Variants in NHSL1 observed in about 807,000 individuals in gnomAD.
NHSL1 encodes the protein NHS like 1.
A neutral mutation model predicts 95.0 loss-of-function variants in NHSL1; 48 were observed. That is an observed-to-expected ratio of 0.51 (90% CI 0.40 to 0.64). The LOEUF (loss-of-function observed/expected upper bound fraction) is 0.64, where lower values mean the gene tolerates loss of function less well. Ranked by LOEUF, NHSL1 falls within the 30% of genes least tolerant of loss-of-function variation. The pLI is 0.00. For synonymous variants in NHSL1, 783 were observed against 833.9 expected, an observed-to-expected ratio of 0.94 and a Z score of 1.05; for missense variants, 1,971 against 2,077.7, an observed-to-expected ratio of 0.95 and a Z score of 1.00.
intron 1 of NHSL1, among the ~76,000 whole-genome samples, chr6:138,595,719 T>C (rs1247977030): frequency 1.3e-5 from 2 of 152,218 alleles, no homozygotes; most frequent in Non-Finnish European, 2.9e-5. Flanking sequence ...AGAAAAGATA[T>C]TTATGTACAA....
intron 1 of NHSL1, among the ~76,000 whole-genome samples, chr6:138,508,352 C>T (rs985127580): frequency 7.2e-5 from 11 of 152,044 alleles, no homozygotes; most frequent in Non-Finnish European, 1.5e-4. Flanking sequence ...CATGGTAGAG[C>T]TTTGTGAAAG....
At chr6:138,504,224 G>A (rs1780839671), upstream of NHSL1, among the ~76,000 whole-genome samples, 1 of 152,112 alleles carries the variant, frequency 6.6e-6, no homozygotes, top group African/African-American at 2.4e-5. Flanking sequence ...GACAGAATGA[G>A]ACCTTGTCTC....
chr6:138,650,269 T>C, intron 1 of NHSL1: 10 of 654,662 alleles, frequency 1.5e-5, no homozygotes, highest in South Asian at 1.4e-4. Context: ...AAAAGCAGGC[T>C]GGAGCCTTGG....
intron 7 of NHSL1, 29 bp downstream of exon 7, chr6:138,429,682 T>C: frequency 6.5e-7 from 1 of 1,535,114 alleles, no homozygotes; most frequent in Non-Finnish European, 8.8e-7. Context: ...ACACAGTAGA[T>C]TAAAGTCAGA....
intron 1 of NHSL1, among the ~76,000 whole-genome samples, chr6:138,533,834 A>G (rs899374183): frequency 2.6e-5 from 4 of 152,206 alleles, no homozygotes; most frequent in Non-Finnish European, 5.9e-5. Context: ...GCAATGGGCC[A>G]TTTTCCAGAC....
chr6:138,641,622 CAAAAAAAAAAAA>C (rs771307557), intron 1 of NHSL1, among the ~76,000 whole-genome samples: 4 of 76,462 alleles, frequency 5.2e-5, no homozygotes, highest in Admixed American at 2.8e-4. Context: ...GACTCCGTCT[CAAAAAAAAAAAA>C]AAAAAAAAAA....
At chr6:138,470,676 G>A (rs564849448) in intron 3 of NHSL1, 1 of 152,340 alleles carries the variant, frequency 6.6e-6, no homozygotes, top group East Asian at 1.9e-4. Context: ...TGGTGCTTTT[G>A]TAAGAGACCA....
chr6:138,431,274 G>T lies in NHSL1; in HGVS notation c.3071C>A (p.Pro1024Gln). The T allele has an allele frequency of 6.7e-7, 1 of 1,502,616 alleles. No homozygotes were observed. Among genetic ancestry groups the T allele is most frequent in the Non-Finnish European group, 8.9e-7 (1 of 1,122,164 alleles). 93.1% of individuals were successfully genotyped at this position (1,502,616 alleles called of 1,614,324 possible). Residue 1024 changes from proline to glutamine, a missense_variant, in exon 6 of 8, where the codon CCA (proline) becomes CAA (glutamine). Pro to Gln is a moderately conservative substitution (Grantham distance 76, BLOSUM62 -1). This residue lies in a region of NHSL1 where 1,602 missense variants were observed against 1,654.5 expected (regional missense o/e 0.97). Coordinates refer to ENST00000343505, the MANE Select transcript of NHSL1 (RefSeq NM_001144060.2). The surrounding 1 kb of genome is among the most constrained non-coding windows in gnomAD (Gnocchi z 4.0). ...TTTCATGAATTTGGGGTCAAGAGGTGGGGCAGGTGGGGGTTCCGAGGAAGG... is the reference window on the plus strand; with the variant it reads ...TTTCATGAATTTGGGGTCAAGAGGTTGGGCAGGTGGGGGTTCCGAGGAAGG... ...LLPSSEPPPA[P>Q]PLDPKFMKDT...
chr6:138,527,161 T>A (rs1449342613), intron 1 of NHSL1, among the ~76,000 whole-genome samples: 3 of 152,014 alleles, frequency 2.0e-5, no homozygotes, highest in African/African-American at 7.3e-5. Context: ...TATTGACATA[T>A]GAGGTCAAGA....
intron 1 of NHSL1, among the ~76,000 whole-genome samples, chr6:138,564,360 G>A (rs933226539): frequency 1.3e-5 from 2 of 152,026 alleles, no homozygotes; most frequent in South Asian, 4.2e-4. Context: ...TGTTTTTAGA[G>A]TGATCTTCCC....
intron 1 of NHSL1, among the ~76,000 whole-genome samples, chr6:138,625,742 C>T (rs1297180938): frequency 2.0e-5 from 3 of 151,856 alleles, no homozygotes; most frequent in African/African-American, 7.3e-5. Flanking sequence ...CTCCGGGGCT[C>T]AAGATCCTCC....
intron 1 of NHSL1, among the ~76,000 whole-genome samples, chr6:138,569,180 G>A (rs954928951): frequency 8.5e-5 from 13 of 152,124 alleles, no homozygotes; most frequent in East Asian, 3.9e-4. Context: ...CAACTGATGC[G>A]AGGCTAGCTT....
intron 2 of NHSL1, among the ~76,000 whole-genome samples, chr6:138,485,367 A>C (rs1779660036): frequency 1.3e-5 from 2 of 151,670 alleles, no homozygotes; most frequent in Non-Finnish European, 2.9e-5. Context: ...TTGTTTAAAC[A>C]ATCCGCAGTG....
intron 1 of NHSL1, among the ~76,000 whole-genome samples, chr6:138,678,920 C>T (rs150338685): frequency 2.6e-5 from 4 of 152,284 alleles, no homozygotes; most frequent in Non-Finnish European, 2.9e-5. Context: ...AAAGTACTAA[C>T]GGCACTCAAA....
At chr6:138,471,643 C>T (rs959693901) in intron 3 of NHSL1, among the ~76,000 whole-genome samples, 2 of 152,004 alleles carry the variant, frequency 1.3e-5, no homozygotes, top group Admixed American at 6.6e-5. Context: ...AAGGGGACAA[C>T]ATTTCAGACA....
chr6:138,580,653 G>A (rs115310147), intron 1 of NHSL1, among the ~76,000 whole-genome samples: 290 of 152,346 alleles, frequency 1.9e-3, no homozygotes, highest in African/African-American at 6.7e-3. Context: ...TAGTCAGTAC[G>A]TGCTGGCTCC....
At chr6:138,545,209 G>A (rs1403278967) in intron 1 of NHSL1, among the ~76,000 whole-genome samples, 1 of 151,922 alleles carries the variant, frequency 6.6e-6, no homozygotes, top group East Asian at 1.9e-4. Flanking sequence ...ACAGAGTAAA[G>A]CTTAAAGCAA....
At chr6:138,485,798 C>T (rs1370855602) in intron 2 of NHSL1, among the ~76,000 whole-genome samples, 1 of 152,170 alleles carries the variant, frequency 6.6e-6, no homozygotes, top group Non-Finnish European at 1.5e-5. Flanking sequence ...ACAAAAATTC[C>T]AATAGAGCCA....
At chr6:138,564,654 A>G (rs1783540093) in intron 1 of NHSL1, among the ~76,000 whole-genome samples, 2 of 151,410 alleles carry the variant, frequency 1.3e-5, no homozygotes, top group African/African-American at 2.4e-5. Context: ...TTGGGGATAA[A>G]AAAAAAAAAA....
Sources: allele counts gnomAD v4.1 joint callset (sites outside exome capture counted in the v4.1 genomes callset), GRCh38; gene constraint gnomAD v4.1.1; regional missense constraint gnomAD v4.1.1; non-coding constraint Gnocchi (gnomAD v3.1); transcripts MANE v1.5; gene names NCBI Gene and HGNC (gene_info 2026-07-23, HGNC 2026-07-21).